The following SHC3 variants were observed in gnomAD, a reference collection of about 807,000 sequenced individuals.
SHC3 encodes the protein SHC adaptor protein 3.
Under a neutral mutation model 60.4 loss-of-function variants are expected in SHC3, and 15 were observed. That is an observed-to-expected ratio of 0.25 (90% confidence interval 0.17 to 0.38). SHC3 has a LOEUF of 0.38. Among genes scored for constraint, SHC3 ranks in the 10% least tolerant of loss-of-function variants. The pLI is 1.00. For synonymous variants in SHC3, 294 were observed against 325.9 expected (o/e 0.90, Z 1.05); for missense variants, 677 against 786.1 (o/e 0.86, Z 1.66).
At chr9:89,159,547 T>C (rs1826674125) in intron 1 of SHC3, among the ~76,000 whole-genome samples, 1 of 152,306 alleles carries the variant, frequency 6.6e-6, no homozygotes, top group South Asian at 2.1e-4. Context: ...TTAGTCAGCG[T>C]TCTCTAGAGG....
chr9:89,016,590 A>C lies in SHC3; in HGVS notation c.1657-3015T>G, dbSNP rs74845116. 9.5e-3 allele frequency among the ~76,000 whole-genome samples: 1,441 copies of C among 152,330 alleles called. 12 individuals carry two copies. The highest frequency in any genetic ancestry group is 0.033 in the African/African-American group (1,373 of 41,576). On this transcript the variant is annotated intron_variant, in intron 11 of 11. Coordinates refer to ENST00000375835, the MANE Select transcript of SHC3 (RefSeq NM_016848.6). ...ATGGGTTCACTAGTGAATTCCATCA[A>C]GCATTTAAGGAATAATTTATTTCAA... is the stretch of plus-strand genomic sequence containing the variant.
intron 6 of SHC3, among the ~76,000 whole-genome samples, chr9:89,053,542 AG>A (rs1418704402): frequency 9.2e-5 from 14 of 152,178 alleles, no homozygotes; most frequent in Non-Finnish European, 1.8e-4. Flanking sequence ...CCCAGACTCC[AG>A]GGCAGGGAGA....
chr9:89,123,883 G>C (rs540484143), intron 1 of SHC3, among the ~76,000 whole-genome samples: 1 of 152,240 alleles, frequency 6.6e-6, no homozygotes, highest in Middle Eastern at 3.4e-3. Context: ...TGCTAGACCT[G>C]ATGGAAAATC....
At position 89,035,830 on chromosome 9, in the gene SHC3, A is replaced by AATAT. The variant is rs1185604208; in HGVS notation, c.1656+2159_1656+2162dup. ...AAACAAGCAAAAAACAAACAAACAA[A>AATAT]ATATATATATATATATATAGATGTG... On this transcript the variant is annotated intron_variant, in intron 11 of 11. Coordinates refer to ENST00000375835, the MANE Select transcript of SHC3 (RefSeq NM_016848.6). 5.3e-3 allele frequency among the ~76,000 whole-genome samples: 560 copies of AATAT among 106,430 alleles called. 17 individuals carry two copies. The highest frequency in any genetic ancestry group is 0.014 in the African/African-American group (427 of 29,914). 69.8% of individuals were successfully genotyped at this position (106,430 alleles called of 152,430 possible).
At chr9:89,103,610 A>C (rs1260422695) in intron 2 of SHC3, among the ~76,000 whole-genome samples, 1 of 152,232 alleles carries the variant, frequency 6.6e-6, no homozygotes, top group African/African-American at 2.4e-5. Context: ...TGAAGCAATG[A>C]GATTATCAAT....
At chr9:89,172,363 T>G (rs531209314) in intron 1 of SHC3, among the ~76,000 whole-genome samples, 1 of 152,338 alleles carries the variant, frequency 6.6e-6, no homozygotes, top group African/African-American at 2.4e-5. Flanking sequence ...GTTGTTGTTT[T>G]GGTTGGGAGG....
At chr9:89,060,857 C>T (rs1010396650) in intron 6 of SHC3, among the ~76,000 whole-genome samples, 6 of 152,124 alleles carry the variant, frequency 3.9e-5, no homozygotes, top group Non-Finnish European at 5.9e-5. Flanking sequence ...AAGGCTTTGC[C>T]GGCAGGTGCA....
chr9:89,057,936 A>C (rs998630568), intron 6 of SHC3, among the ~76,000 whole-genome samples: 1 of 152,178 alleles, frequency 6.6e-6, no homozygotes, highest in African/African-American at 2.4e-5. Context: ...TCCTTATAAT[A>C]GATGAGAAGA....
intron 10 of SHC3, among the ~76,000 whole-genome samples, chr9:89,040,689 C>T (rs1294008409): frequency 6.6e-6 from 1 of 152,252 alleles, no homozygotes; most frequent in African/African-American, 2.4e-5. Context: ...CTTCACATTT[C>T]TCAAGCTGTT....
At chr9:89,090,778 G>T (rs913961506) in intron 2 of SHC3, among the ~76,000 whole-genome samples, 1 of 152,230 alleles carries the variant, frequency 6.6e-6, no homozygotes, top group African/African-American at 2.4e-5. Context: ...GTGGTATCAT[G>T]AATGCCAGGT....
chr9:89,026,578 C>T (rs191231876), intron 11 of SHC3, among the ~76,000 whole-genome samples: 2 of 152,294 alleles, frequency 1.3e-5, no homozygotes, highest in Non-Finnish European at 1.5e-5. Context: ...GCTTGACCAC[C>T]CTGGGCACAT....
chr9:89,114,433 T>C (rs1170931075), intron 1 of SHC3, among the ~76,000 whole-genome samples: 1 of 149,880 alleles, frequency 6.7e-6, no homozygotes, highest in Non-Finnish European at 1.5e-5. Context: ...GGATTGAAAA[T>C]AGAAAAAAAA....
intron 1 of SHC3, among the ~76,000 whole-genome samples, chr9:89,169,044 C>G (rs905596907): frequency 2.0e-5 from 3 of 152,328 alleles, no homozygotes; most frequent in South Asian, 2.1e-4. Context: ...GATCTTGGGA[C>G]TTGCCTGCCT....
At chr9:89,098,233 T>C (rs749741011) in intron 2 of SHC3, among the ~76,000 whole-genome samples, 11 of 152,266 alleles carry the variant, frequency 7.2e-5, no homozygotes, top group South Asian at 2.1e-4. Context: ...TATTCCAGAT[T>C]CAAGGAAATG....
intron 7 of SHC3, among the ~76,000 whole-genome samples, chr9:89,048,856 G>A (rs978567225): frequency 2.0e-5 from 3 of 152,126 alleles, no homozygotes; most frequent in Non-Finnish European, 2.9e-5. Flanking sequence ...CCCCGCTCTC[G>A]GATAGTACCC....
At chr9:89,072,695 A>T (rs917600944) in intron 4 of SHC3, among the ~76,000 whole-genome samples, 4 of 152,194 alleles carry the variant, frequency 2.6e-5, no homozygotes, top group Non-Finnish European at 4.4e-5. Context: ...CAATGTAATG[A>T]CATTGAAGTA....
intron 11 of SHC3, among the ~76,000 whole-genome samples, chr9:89,018,466 G>A (rs1826133869): frequency 6.6e-6 from 1 of 151,988 alleles, no homozygotes; most frequent in South Asian, 2.1e-4. Flanking sequence ...ACAGGGAGGG[G>A]AACATCACAC....
intron 6 of SHC3, among the ~76,000 whole-genome samples, chr9:89,056,450 G>C (rs1468038529): frequency 6.6e-6 from 1 of 152,150 alleles, no homozygotes. Flanking sequence ...TGTTGACCAA[G>C]CTGGTCTCGA....
intron 2 of SHC3, among the ~76,000 whole-genome samples, chr9:89,082,388 C>T (rs1825459138): frequency 6.6e-6 from 1 of 152,174 alleles, no homozygotes; most frequent in African/African-American, 2.4e-5. Context: ...GAACCAGCAC[C>T]TCTGCCAGGC....
Sources: gnomAD v4.1 joint callset for allele counts (sites outside exome capture counted in the v4.1 genomes callset) on GRCh38, gnomAD v4.1.1 for gene constraint, MANE v1.5 for transcripts, NCBI Gene and HGNC (gene_info 2026-07-23, HGNC 2026-07-21) for gene names.